The following CAST variants were observed in gnomAD, a reference collection of about 807,000 sequenced individuals.
The protein encoded by CAST is calpastatin, also known as MIR583 host.
In CAST, 76 loss-of-function variants were observed where a neutral mutation model predicts 119.6. The ratio of observed to expected loss-of-function variants is 0.64; its 90% CI spans 0.53 to 0.77. The LOEUF (loss-of-function observed/expected upper bound fraction) is 0.77, where lower values mean the gene tolerates loss of function less well. Among genes scored for constraint, CAST ranks in the 30% least tolerant of loss-of-function variants. The pLI, the probability that CAST is intolerant of heterozygous loss-of-function variation, is 0.00. For missense variants in CAST, 953 were observed against 946.5 expected, an observed-to-expected ratio of 1.01 and a Z score of -0.09; for synonymous variants, 319 against 331.6, an observed-to-expected ratio of 0.96 and a Z score of 0.41.
intron 2 of CAST, among the ~76,000 whole-genome samples, chr5:96,694,431 A>G (rs1452085959): frequency 6.6e-6 from 1 of 152,184 alleles, no homozygotes; most frequent in Non-Finnish European, 1.5e-5. Context: ...AGGTCAGGAG[A>G]TCGAGACCAT....
Position 96,602,945 on chromosome 5 carries a change from A to G in CAST, c.61-72594A>G, listed in dbSNP as rs114592783. Reference sequence around the variant, plus strand: ...TCAGCAAATGCAAAGGCCTGGAAGAAGAAAGGGGCCTCTGTGTTCAAGGAC... The same window carrying G: ...TCAGCAAATGCAAAGGCCTGGAAGAGGAAAGGGGCCTCTGTGTTCAAGGAC... On this transcript the variant is annotated intron_variant, in intron 1 of 11. Coordinates refer to the CAST transcript ENST00000505143. 2.0e-3 allele frequency among the ~76,000 whole-genome samples: 305 copies of G among 152,328 alleles called. 1 individual carries two copies. The highest frequency in any genetic ancestry group is 3.4e-3 in the Non-Finnish European group (228 of 68,034).
Position 96,767,955 on chromosome 5 carries a change from G to T in CAST, c.2224G>T (p.Asp742Tyr). The T allele has an allele frequency of 6.2e-7, 1 of 1,613,650 alleles. No homozygotes were observed. Among genetic ancestry groups the T allele is most frequent in the South Asian group, 1.1e-5 (1 of 91,082 alleles). The change falls in exon 29 of 32, where the codon GAC becomes TAC. Residue 742 changes from aspartate to tyrosine, a missense_variant. By Grantham distance (160) the Asp-to-Tyr change is radical (BLOSUM62 -3). Transcript: ENST00000675179. ...CATTGATGCTCTCTCAGGAGATCTGGACAGCTGTCCCTCCACTACAGAAAC... is the reference window on the plus strand; with the variant it reads ...CATTGATGCTCTCTCAGGAGATCTGTACAGCTGTCCCTCCACTACAGAAAC... The part of the protein sequence containing the change: ...DPIDALSGDL[D>Y]SCPSTTETSQ...
the CAST span, among the ~76,000 whole-genome samples, chr5:95,982,143 A>C: frequency 6.6e-6 from 1 of 151,844 alleles, no homozygotes; most frequent in Non-Finnish European, 1.5e-5. Flanking sequence ...TGTATTACAT[A>C]TGAGATGTAA....
the CAST span, among the ~76,000 whole-genome samples, chr5:96,129,809 A>G: frequency 6.6e-6 from 1 of 152,030 alleles, no homozygotes; most frequent in African/African-American, 2.4e-5. Flanking sequence ...TGACAAGTAG[A>G]AAAGTTTATG....
At chr5:96,493,491 G>C in the CAST span, among the ~76,000 whole-genome samples, 1 of 152,128 alleles carries the variant, frequency 6.6e-6, no homozygotes, top group Non-Finnish European at 1.5e-5. Flanking sequence ...AGTTGGGCAG[G>C]CTGCAAAAAT....
At chr5:96,080,649 A>C in the CAST span, among the ~76,000 whole-genome samples, 1 of 152,224 alleles carries the variant, frequency 6.6e-6, no homozygotes, top group Non-Finnish European at 1.5e-5. Flanking sequence ...TTCCATTCTC[A>C]AAATGAGACC....
At chr5:96,098,512 A>AAGGGGTCC in the CAST span, among the ~76,000 whole-genome samples, 1 of 152,114 alleles carries the variant, frequency 6.6e-6, no homozygotes, top group Non-Finnish European at 1.5e-5. Flanking sequence ...TGGTGTAAGG[A>AAGGGGTCC]AGGGGTCCAG....
the CAST span, among the ~76,000 whole-genome samples, chr5:96,254,922 T>G: frequency 6.6e-6 from 1 of 152,208 alleles, no homozygotes; most frequent in African/African-American, 2.4e-5. Flanking sequence ...TTCTCACTTT[T>G]ATTCTCCTTT....
At chr5:96,306,685 TCTGA>T in the CAST span, among the ~76,000 whole-genome samples, 6 of 152,224 alleles carry the variant, frequency 3.9e-5, no homozygotes, top group Non-Finnish European at 8.8e-5. Flanking sequence ...CTTATTTATT[TCTGA>T]CTTAATTTTA....
the CAST span, among the ~76,000 whole-genome samples, chr5:96,094,176 T>C: frequency 6.6e-6 from 1 of 152,212 alleles, no homozygotes; most frequent in African/African-American, 2.4e-5. Flanking sequence ...GGTGGAAACG[T>C]ATTTAATCTT....
chr5:96,186,316 C>G, the CAST span, among the ~76,000 whole-genome samples: 1 of 152,080 alleles, frequency 6.6e-6, no homozygotes, highest in Non-Finnish European at 1.5e-5. Context: ...GACTTCCTCC[C>G]TTCCTGTTTG....
chr5:96,122,743 T>C, the CAST span, among the ~76,000 whole-genome samples: 3 of 152,322 alleles, frequency 2.0e-5, no homozygotes, highest in East Asian at 5.8e-4. Context: ...TTTTTGTTTT[T>C]TTCAAGCTGA....
chr5:96,232,925 T>A, the CAST span, among the ~76,000 whole-genome samples: 1 of 152,092 alleles, frequency 6.6e-6, no homozygotes, highest in Non-Finnish European at 1.5e-5. Flanking sequence ...GCAATTCTAC[T>A]TCAAAACACA....
chr5:96,102,247 G>A, the CAST span, among the ~76,000 whole-genome samples: 390 of 152,258 alleles, frequency 2.6e-3, 1 homozygote, highest in Non-Finnish European at 3.8e-3. Flanking sequence ...TTTATTTAGC[G>A]ATGGAGTGAC....
the CAST span, among the ~76,000 whole-genome samples, chr5:96,444,859 T>A: frequency 1.3e-5 from 2 of 152,190 alleles, no homozygotes; most frequent in Non-Finnish European, 2.9e-5. Context: ...TTCCTCCAAT[T>A]TCCAGTTATC....
chr5:96,623,162 C>T (rs868789695), intron 1 of CAST, among the ~76,000 whole-genome samples: 5 of 152,202 alleles, frequency 3.3e-5, no homozygotes, highest in African/African-American at 1.2e-4. Context: ...CTGCACCCAG[C>T]CTACCTCAAT....
the CAST span, among the ~76,000 whole-genome samples, chr5:96,006,503 C>T: frequency 6.6e-6 from 1 of 152,198 alleles, no homozygotes; most frequent in Non-Finnish European, 1.5e-5. Context: ...TCATCGAGCA[C>T]AATCATTTAC....
the CAST span, among the ~76,000 whole-genome samples, chr5:96,307,965 G>A: frequency 1.3e-5 from 2 of 152,110 alleles, no homozygotes; most frequent in South Asian, 4.1e-4. Flanking sequence ...TCTTTGTGGT[G>A]TTCTCTGCAT....
the CAST span, among the ~76,000 whole-genome samples, chr5:96,029,761 A>G: frequency 2.6e-5 from 4 of 152,128 alleles, no homozygotes; most frequent in African/African-American, 9.7e-5. Flanking sequence ...ATGAAATTAA[A>G]ATACTTTATA....
Sources: allele counts gnomAD v4.1 joint callset (sites outside exome capture counted in the v4.1 genomes callset), GRCh38; gene constraint gnomAD v4.1.1; transcripts MANE v1.5; gene names NCBI Gene and HGNC (gene_info 2026-07-23, HGNC 2026-07-21).